Variants in MNS1 observed in about 807,000 individuals in gnomAD.
MNS1 encodes the protein meiosis specific nuclear structural 1, also known as meiosis-specific nuclear structural protein 1.
Under a neutral mutation model 72.0 loss-of-function variants are expected in MNS1, and 63 were observed. The observed-to-expected ratio is 0.87, with a 90% confidence interval of 0.71 to 1.08. The LOEUF (loss-of-function observed/expected upper bound fraction) is 1.08, where lower values mean the gene tolerates loss of function less well. MNS1 is among the 50% of genes least tolerant of loss of function. The pLI, the probability that MNS1 is intolerant of heterozygous loss-of-function variation, is 0.00. For synonymous variants in MNS1, 188 were observed against 172.1 expected (o/e 1.09, Z -0.72); for missense variants, 604 against 562.4 (o/e 1.07, Z -0.75).
At position 56,444,612 on chromosome 15, in the gene MNS1, TCTTC is replaced by T. The variant is rs1415244112; in HGVS notation, c.514_517del (p.Glu172ArgfsTer19). ...GTTTCGTTTGTCTTCTGCAGCATTCTCTTCCTTTATTATTCTCTTGTGTTCTTCC... is the reference window on the plus strand; with the variant it reads ...GTTTCGTTTGTCTTCTGCAGCATTCTCTTTATTATTCTCTTGTGTTCTTCC... On this transcript the variant is annotated frameshift_variant, in exon 5 of 10. Transcript: ENST00000260453. LOFTEE classifies it high-confidence loss of function. 6 of 1,613,406 alleles carry T rather than the reference TCTTC, an allele frequency of 3.7e-6. No homozygotes were observed. Among genetic ancestry groups the T allele is most frequent in the Admixed American group, 1.7e-5 (1 of 59,986 alleles).
At chr15:56,435,664 G>A (rs1002021386) in intron 7 of MNS1, among the ~76,000 whole-genome samples, 2 of 152,004 alleles carry the variant, frequency 1.3e-5, no homozygotes, top group Admixed American at 1.3e-4. Flanking sequence ...CTATTAAGGA[G>A]ACGGAATTAA....
In MNS1 at chr15:56,465,061, C is replaced by CCTGG; in HGVS notation, c.-93_-90dup. On this transcript the variant is annotated 5_prime_UTR_variant, in exon 1 of 10. Transcript: ENST00000260453. ...GCAGCCAGCAGCCCCAAGGAGCGCA[C>CCTGG]CTGGCTGCGCGCGCTCGGGTGTTTA... 6.5e-7 allele frequency: 1 copy of CCTGG among 1,545,778 alleles called. No homozygotes were observed. Among genetic ancestry groups the CCTGG allele is most frequent in the Non-Finnish European group, 8.7e-7 (1 of 1,143,668 alleles).
chr15:56,429,542 A>G (rs1027173973), intron 9 of MNS1: 1 of 161,016 alleles, frequency 6.2e-6, no homozygotes, highest in Non-Finnish European at 1.3e-5. Context: ...ATAATATGAT[A>G]TAATGGTGAG....
chr15:56,431,334 A>G, intron 9 of MNS1, 39 bp downstream of exon 9: 2 of 1,598,254 alleles, frequency 1.3e-6, no homozygotes, highest in Non-Finnish European at 1.7e-6. Context: ...TCACTATTAC[A>G]GGTCATGAAG....
chr15:56,430,229 C>CG lies in MNS1; in HGVS notation c.1396-1037dup, dbSNP rs556454572. ...CTGTTATTACTTTTTTAAGACAAGA[C>CG]GGGGTCTCACTCTGTTGCCCAGGCT... On this transcript the variant is annotated intron_variant, in intron 9 of 9. Coordinates refer to ENST00000260453, the MANE Select transcript of MNS1 (RefSeq NM_018365.4). 2.4e-4 allele frequency: 37 copies of CG among 152,214 alleles called. 1 individual carries two copies. In the East Asian group the frequency reaches 6.6e-3, roughly 27 times the overall value. 9.4% of individuals were successfully genotyped at this position (152,214 alleles called of 1,614,324 possible).
intron 2 of MNS1, among the ~76,000 whole-genome samples, chr15:56,462,225 G>C (rs768303458): frequency 6.6e-6 from 1 of 152,024 alleles, no homozygotes; most frequent in African/African-American, 2.4e-5. Context: ...AGGAATAAAA[G>C]AATCAGAAAA....
At position 56,434,250 on chromosome 15, in the gene MNS1, T is replaced by C. The variant is rs1429582750; in HGVS notation, c.1157A>G (p.Asp386Gly). 1.2e-6 allele frequency: 2 copies of C among 1,613,946 alleles called. No homozygotes were observed. The highest frequency in any genetic ancestry group is 3.3e-5 in the Admixed American group (2 of 59,988). ...RKTMLAKFAEDDRIELMNAQK... is the reference protein window; with the variant it reads ...RKTMLAKFAEGDRIELMNAQK... ...AGCATTCATTAATTCTATTCGATCA[T>C]CCTCAGCAAATTTAGCTAGCATAGT... is the stretch of plus-strand genomic sequence containing the variant. Residue 386 changes from aspartate (D) to glycine (G), a missense_variant, in exon 8 of 10, where the codon GAT (aspartate) becomes GGT (glycine). Coordinates refer to ENST00000260453, the MANE Select transcript of MNS1 (RefSeq NM_018365.4).
chr15:56,433,567 T>C (rs1436206018), intron 8 of MNS1, among the ~76,000 whole-genome samples: 2 of 152,174 alleles, frequency 1.3e-5, no homozygotes, highest in Non-Finnish European at 2.9e-5. Context: ...CCTTATCTAT[T>C]TGCATGGGTT....
chr15:56,443,114 C>T (rs928901376), intron 7 of MNS1, among the ~76,000 whole-genome samples: 1 of 152,112 alleles, frequency 6.6e-6, no homozygotes, highest in African/African-American at 2.4e-5. Flanking sequence ...GTAGCAACTC[C>T]AACCTACTTT....
intron 3 of MNS1, among the ~76,000 whole-genome samples, chr15:56,455,073 T>C (rs2050972014): frequency 6.6e-6 from 1 of 152,116 alleles, no homozygotes; most frequent in Non-Finnish European, 1.5e-5. Flanking sequence ...AATGCCAAGC[T>C]TGCATTCTGG....
At position 56,444,560 on chromosome 15, in the gene MNS1, G is replaced by C; in HGVS notation, c.570C>G (p.Asp190Glu). The C allele has an allele frequency of 6.2e-7, 1 of 1,612,250 alleles. No homozygotes were observed. The highest frequency in any genetic ancestry group is 1.1e-5 in the South Asian group (1 of 90,986). ...RNKAKAQYYL[D>E]LEKQLEEQEK... ...CTTGTTCTTCAAGTTGTTTCTCTAA[G>C]TCAAGATAGTACTGTGCTTTCGCTT... Residue 190 changes from aspartate (D) to glutamate (E), a missense_variant, in exon 5 of 10, where the codon GAC becomes GAG. Coordinates refer to ENST00000260453, the MANE Select transcript of MNS1 (RefSeq NM_018365.4).
chr15:56,430,575 TA>T (rs200782486), intron 9 of MNS1, among the ~76,000 whole-genome samples: 1,895 of 152,222 alleles, frequency 0.012, 34 homozygotes, highest in Non-Finnish European at 0.017. Flanking sequence ...TCTGGAATTT[TA>T]AAAATCAAGT....
intron 7 of MNS1, among the ~76,000 whole-genome samples, chr15:56,437,687 CA>C (rs1323734497): frequency 6.6e-5 from 10 of 152,168 alleles, no homozygotes; most frequent in African/African-American, 1.9e-4. Flanking sequence ...TCCTTGTTTG[CA>C]GATGACATGA....
rs2051048579 is a variant in MNS1 at position 56,464,892 on chromosome 15, T to C, written c.3+78A>G. 1.9e-6 allele frequency: 3 copies of C among 1,598,608 alleles called. No individual in the cohort carries two copies. The African/African-American group carries it at 4.0e-5, about 22-fold the overall frequency. On this transcript the variant is annotated intron_variant, in intron 1 of 9. Coordinates refer to ENST00000260453, the MANE Select transcript of MNS1 (RefSeq NM_018365.4). ...GACCAGATTAAGCACTTAAAATCCTTTTTTAGAAGCAGATGAGCGCCAAAC... is the reference window on the plus strand; with the variant it reads ...GACCAGATTAAGCACTTAAAATCCTCTTTTAGAAGCAGATGAGCGCCAAAC...
chr15:56,457,573 A>G (rs2050989293), intron 2 of MNS1, among the ~76,000 whole-genome samples: 1 of 152,200 alleles, frequency 6.6e-6, no homozygotes, highest in African/African-American at 2.4e-5. Flanking sequence ...GTGTAATCCC[A>G]GCACTTTGGG....
intron 2 of MNS1, among the ~76,000 whole-genome samples, chr15:56,461,983 T>G (rs879646747): frequency 0.27 from 34,506 of 126,432 alleles, 4,617 homozygotes; most frequent in Middle Eastern, 0.42. Context: ...TTGTTTTTTT[T>G]TTTTTTTTTT....
chr15:56,461,232 C>T (rs530131090), intron 2 of MNS1, among the ~76,000 whole-genome samples: 1 of 151,848 alleles, frequency 6.6e-6, no homozygotes, highest in East Asian at 1.9e-4. Flanking sequence ...ACAGAAACAC[C>T]GAGAATGATG....
At position 56,434,406 on chromosome 15, in the gene MNS1, C is replaced by G. The variant is rs758090229; in HGVS notation, c.1012-11G>C. The G allele has an allele frequency of 6.2e-7, 1 of 1,600,832 alleles. No individual in the cohort carries two copies. Among genetic ancestry groups the G allele is most frequent in the Non-Finnish European group, 8.5e-7 (1 of 1,173,764 alleles). ...CTTTTCTGCTTCTTCCTAAACAATACAGCTGAAAGTTAATTTAGTAACTAT... is the reference window on the plus strand; with the variant it reads ...CTTTTCTGCTTCTTCCTAAACAATAGAGCTGAAAGTTAATTTAGTAACTAT... On this transcript the variant is annotated splice_polypyrimidine_tract_variant and intron_variant, in intron 7 of 9. Transcript: ENST00000260453.
At position 56,443,475 on chromosome 15, in the gene MNS1, T is replaced by C. The variant is rs746294807; in HGVS notation, c.966A>G (p.Glu322=). The C allele has an allele frequency of 1.8e-5, 28 of 1,599,778 alleles. No homozygotes were observed. Among genetic ancestry groups the C allele is most frequent in the Non-Finnish European group, 2.3e-5 (27 of 1,176,138 alleles). Residue 322 remains glutamate, a synonymous_variant, in exon 7 of 10, where the codon GAA becomes GAG. Coordinates refer to ENST00000260453, the MANE Select transcript of MNS1 (RefSeq NM_018365.4). ...QREDLEQVRQ[E]LYQEEQAEIY... ...TTTCAGCTTGTTCTTCCTGGTATAA[T>C]TCTTGTCGCACTTGTTCCAAATCTT...
Sources: allele counts gnomAD v4.1 joint callset (sites outside exome capture counted in the v4.1 genomes callset), GRCh38; gene constraint gnomAD v4.1.1; transcripts MANE v1.5; gene names NCBI Gene and HGNC (gene_info 2026-07-23, HGNC 2026-07-21).